Variants in NTM observed in about 807,000 individuals in gnomAD.
The protein encoded by NTM is IgLON family member 2.
In NTM, 13 loss-of-function variants were observed where a neutral mutation model predicts 42.1. The ratio of observed to expected loss-of-function variants is 0.31; its 90% confidence interval spans 0.20 to 0.49. NTM has a LOEUF of 0.49. NTM is among the 20% of genes least tolerant of loss of function. The pLI is 0.99. For missense variants in NTM, 373 were observed against 452.8 expected (o/e 0.82, Z 1.60); for synonymous variants, 187 against 179.2 (o/e 1.04, Z -0.35).
chr11:131,426,960 T>C (rs974239969), intron 1 of NTM, among the ~76,000 whole-genome samples: 4 of 152,238 alleles, frequency 2.6e-5, no homozygotes, highest in African/African-American at 7.2e-5. Context: ...CTCCCCCAAG[T>C]TGGTCTTTAC....
intron 1 of NTM, among the ~76,000 whole-genome samples, chr11:131,861,339 C>T (rs933828371): frequency 6.6e-6 from 1 of 152,140 alleles, no homozygotes; most frequent in Admixed American, 6.5e-5. Context: ...TAAATTAAAA[C>T]GTAATCCCCC....
chr11:132,280,953 CTT>C (rs2093953128), intron 4 of NTM, among the ~76,000 whole-genome samples: 1 of 152,238 alleles, frequency 6.6e-6, no homozygotes, highest in Non-Finnish European at 1.5e-5. Context: ...GAAAATCACA[CTT>C]GAGGCAAATA....
chr11:131,746,200 G>A (rs879916618), intron 1 of NTM, among the ~76,000 whole-genome samples: 4 of 152,138 alleles, frequency 2.6e-5, no homozygotes, highest in Non-Finnish European at 5.9e-5. Context: ...AAATCCTCCC[G>A]CCGAAGGTGA....
intron 2 of NTM, among the ~76,000 whole-genome samples, chr11:132,089,426 G>T (rs550558957): frequency 6.6e-6 from 1 of 152,308 alleles, no homozygotes; most frequent in Non-Finnish European, 1.5e-5. Flanking sequence ...GGTGCTAGAG[G>T]TTTGGCACCC....
chr11:131,422,347 G>C (rs1213626280), intron 1 of NTM, among the ~76,000 whole-genome samples: 1 of 152,174 alleles, frequency 6.6e-6, no homozygotes, highest in African/African-American at 2.4e-5. Flanking sequence ...CTCCCCACAA[G>C]GTTTCCCATC....
chr11:132,078,479 C>T (rs2058639258), intron 2 of NTM, among the ~76,000 whole-genome samples: 1 of 152,302 alleles, frequency 6.6e-6, no homozygotes, highest in East Asian at 1.9e-4. Context: ...ACTGCTTCTT[C>T]CAGCACACAA....
chr11:131,839,095 G>T (rs910316216), intron 1 of NTM, among the ~76,000 whole-genome samples: 2 of 151,904 alleles, frequency 1.3e-5, no homozygotes, highest in Non-Finnish European at 2.9e-5. Flanking sequence ...TGAGTAGCTG[G>T]GATTACAGGT....
At chr11:131,504,138 G>A (rs1056299211) in intron 1 of NTM, among the ~76,000 whole-genome samples, 12 of 152,070 alleles carry the variant, frequency 7.9e-5, no homozygotes, top group Non-Finnish European at 1.6e-4. Context: ...GGACACTGTG[G>A]CTTGTCCCTC....
intron 4 of NTM, among the ~76,000 whole-genome samples, chr11:132,249,266 G>C (rs1424897343): frequency 1.3e-5 from 2 of 152,186 alleles, no homozygotes; most frequent in Non-Finnish European, 2.9e-5. Flanking sequence ...AATCGTGTGT[G>C]TGTGATGAGA....
Position 131,666,648 on chromosome 11 carries a change from A to G in NTM, c.83-244916A>G, listed in dbSNP as rs113455260. 1.0e-2 allele frequency among the ~76,000 whole-genome samples: 1,516 copies of G among 152,292 alleles called. 27 individuals carry two copies. The highest frequency in any genetic ancestry group is 0.034 in the African/African-American group (1,425 of 41,572). ...CTGGGCAGAGGTTGACTGAAAGCCA[A>G]GTAGCCCTGGATGACGTTCCCAGAG... On this transcript the variant is annotated intron_variant, in intron 1 of 8. Coordinates refer to ENST00000683400, the MANE Select transcript of NTM (RefSeq NM_001352005.2).
intron 2 of NTM, among the ~76,000 whole-genome samples, chr11:132,085,682 C>T (rs11535730): frequency 6.6e-6 from 1 of 152,130 alleles, no homozygotes; most frequent in Middle Eastern, 3.4e-3. Flanking sequence ...AATTAGAGCT[C>T]TTTTTTATAG....
chr11:131,645,281 T>C (rs907218765), intron 1 of NTM, among the ~76,000 whole-genome samples: 1 of 152,200 alleles, frequency 6.6e-6, no homozygotes, highest in Non-Finnish European at 1.5e-5. Flanking sequence ...AGGCTGCTGC[T>C]TTGTGAGGCC....
intron 1 of NTM, among the ~76,000 whole-genome samples, chr11:131,445,003 A>G (rs1949941756): frequency 6.6e-6 from 1 of 152,254 alleles, no homozygotes; most frequent in South Asian, 2.1e-4. Context: ...AAGTAAGTGC[A>G]TATCCATAGC....
intron 2 of NTM, among the ~76,000 whole-genome samples, chr11:132,100,689 T>C (rs1326371280): frequency 2.6e-5 from 4 of 152,200 alleles, no homozygotes; most frequent in Admixed American, 2.6e-4. Flanking sequence ...GGAAAGGCTT[T>C]ATTGTCTCCT....
chr11:131,613,786 G>T (rs772088331), intron 1 of NTM, among the ~76,000 whole-genome samples: 3 of 152,050 alleles, frequency 2.0e-5, no homozygotes, highest in Non-Finnish European at 4.4e-5. Flanking sequence ...CACACAGCCC[G>T]TAAGATCTGA....
At chr11:132,310,328 A>C (rs1642811276) in intron 6 of NTM, 96 bp downstream of exon 6, 1 of 1,299,518 alleles carries the variant, frequency 7.7e-7, no homozygotes, top group African/African-American at 1.5e-5. Context: ...CGAGTTCTAT[A>C]AAATCCTCTT....
intron 1 of NTM, among the ~76,000 whole-genome samples, chr11:131,684,898 A>T (rs2073613569): frequency 6.6e-6 from 1 of 152,182 alleles, no homozygotes; most frequent in Non-Finnish European, 1.5e-5. Context: ...AAGAAGACCA[A>T]GGGCATGAGT....
chr11:131,509,266 T>G (rs2047932500), intron 1 of NTM, among the ~76,000 whole-genome samples: 1 of 152,094 alleles, frequency 6.6e-6, no homozygotes, highest in Non-Finnish European at 1.5e-5. Flanking sequence ...GCTAGAGGTT[T>G]CCCCAAAGAC....
At chr11:131,413,057 T>C (rs770998639) in intron 1 of NTM, among the ~76,000 whole-genome samples, 8 of 152,294 alleles carry the variant, frequency 5.3e-5, no homozygotes, top group Non-Finnish European at 1.2e-4. Flanking sequence ...TACCTGGTTT[T>C]GTGAGGTTCA....
Sources: allele counts gnomAD v4.1 joint callset (sites outside exome capture counted in the v4.1 genomes callset), GRCh38; gene constraint gnomAD v4.1.1; transcripts MANE v1.5; gene names NCBI Gene and HGNC (gene_info 2026-07-23, HGNC 2026-07-21).